Variants in RIMS2 observed in about 807,000 individuals in gnomAD.
RIMS2 encodes the protein regulating synaptic membrane exocytosis protein 2.
In RIMS2, 59 loss-of-function variants were observed where a neutral mutation model predicts 174.4. That is an observed-to-expected ratio of 0.34 (90% CI 0.27 to 0.42). The LOEUF is 0.42. Among genes scored for constraint, RIMS2 ranks in the 10% least tolerant of loss-of-function variants. The pLI is 1.00. For missense variants in RIMS2, 1,620 were observed against 1,666.3 expected, an observed-to-expected ratio of 0.97 and a Z score of 0.48; for synonymous variants, 606 against 572.5, an observed-to-expected ratio of 1.06 and a Z score of -0.84.
chr8:103,854,344 C>A (rs2099015185), intron 3 of RIMS2, among the ~76,000 whole-genome samples: 2 of 151,922 alleles, frequency 1.3e-5, no homozygotes, highest in Non-Finnish European at 2.9e-5. Context: ...ATTTGGATAT[C>A]TTTTATTTTT....
chr8:103,941,415 A>G (rs2082498827), intron 13 of RIMS2, among the ~76,000 whole-genome samples: 1 of 152,128 alleles, frequency 6.6e-6, no homozygotes, highest in Admixed American at 6.5e-5. Context: ...TTACCCTAGG[A>G]GTTTGAGGCT....
intron 4 of RIMS2, among the ~76,000 whole-genome samples, chr8:103,894,013 T>C (rs1565166404): frequency 6.6e-6 from 1 of 152,066 alleles, no homozygotes; most frequent in South Asian, 2.1e-4. Flanking sequence ...GGAATGTGGA[T>C]CACATGTTAC....
At chr8:103,787,647 A>T (rs1444316874) in intron 3 of RIMS2, among the ~76,000 whole-genome samples, 1 of 152,102 alleles carries the variant, frequency 6.6e-6, no homozygotes, top group Non-Finnish European at 1.5e-5. Context: ...ATCTGCTGTT[A>T]GTCTGATGGG....
chr8:104,228,042 T>TTC (rs1554644487), intron 19 of RIMS2, among the ~76,000 whole-genome samples: 3 of 146,924 alleles, frequency 2.0e-5, no homozygotes, highest in Admixed American at 6.7e-5. Context: ...TTTTTTTTTT[T>TTC]CTTTGAGACA....
chr8:104,207,848 A>C (rs1254886826), intron 19 of RIMS2, among the ~76,000 whole-genome samples: 1 of 149,524 alleles, frequency 6.7e-6, no homozygotes. Context: ...AATATATATT[A>C]TATATATTTG....
chr8:103,838,832 G>A (rs1421450940), intron 3 of RIMS2, among the ~76,000 whole-genome samples: 1 of 152,278 alleles, frequency 6.6e-6, no homozygotes, highest in East Asian at 1.9e-4. Context: ...TTGGGAGGCC[G>A]AGGCGGGCAG....
At chr8:103,684,787 A>G (rs2096922249) in intron 1 of RIMS2, among the ~76,000 whole-genome samples, 1 of 151,798 alleles carries the variant, frequency 6.6e-6, no homozygotes, top group Non-Finnish European at 1.5e-5. Context: ...GGATTTCCCT[A>G]TGTTGGCCAG....
At chr8:103,752,586 G>A (rs2097908560) in intron 2 of RIMS2, among the ~76,000 whole-genome samples, 2 of 152,140 alleles carry the variant, frequency 1.3e-5, no homozygotes, top group African/African-American at 4.8e-5. Flanking sequence ...TCTTCCATTT[G>A]TTTGTATCCT....
intron 19 of RIMS2, among the ~76,000 whole-genome samples, chr8:104,093,266 A>T (rs2097694622): frequency 6.6e-6 from 1 of 152,062 alleles, no homozygotes; most frequent in African/African-American, 2.4e-5. Flanking sequence ...AAAACATTCT[A>T]ATTACTTTGC....
chr8:104,108,553 C>T (rs1333767048), intron 19 of RIMS2, among the ~76,000 whole-genome samples: 1 of 152,006 alleles, frequency 6.6e-6, no homozygotes, highest in Non-Finnish European at 1.5e-5. Context: ...TCCACCTTGG[C>T]CCCCCAGAGT....
intron 17 of RIMS2, among the ~76,000 whole-genome samples, chr8:104,008,600 A>G (rs1451205314): frequency 4.0e-5 from 6 of 151,532 alleles, no homozygotes; most frequent in Non-Finnish European, 8.8e-5. Flanking sequence ...TCTTCATGCA[A>G]TTTTCAATAA....
intron 3 of RIMS2, among the ~76,000 whole-genome samples, chr8:103,882,942 A>C (rs72681351): frequency 1.3e-5 from 2 of 151,472 alleles, no homozygotes; most frequent in Admixed American, 6.6e-5. Flanking sequence ...TTTAACTTCT[A>C]TCCTAAAATA....
chr8:103,832,794 T>C (rs2098833995), intron 3 of RIMS2, among the ~76,000 whole-genome samples: 1 of 152,236 alleles, frequency 6.6e-6, no homozygotes, highest in African/African-American at 2.4e-5. Flanking sequence ...TTAGTTCTTA[T>C]TGGTTGCACT....
At chr8:103,825,643 T>C (rs2098785454) in intron 3 of RIMS2, among the ~76,000 whole-genome samples, 1 of 152,116 alleles carries the variant, frequency 6.6e-6, no homozygotes, top group Non-Finnish European at 1.5e-5. Context: ...AGTTTTTTCC[T>C]GTTCATTGCT....
intron 1 of RIMS2, among the ~76,000 whole-genome samples, chr8:103,580,742 A>G (rs879885305): frequency 6.6e-6 from 1 of 151,970 alleles, no homozygotes; most frequent in East Asian, 1.9e-4. Context: ...ATTGCTTCAC[A>G]GCTGAATTCT....
exon 1 of RIMS2, chr8:103,500,998 A>C (rs747069841): frequency 6.2e-7 from 1 of 1,611,722 alleles, no homozygotes; most frequent in Admixed American, 1.7e-5. Flanking sequence ...GGAGGAGAGG[A>C]AAATCATCCT....
chr8:103,832,455 T>C (rs1225167467), intron 3 of RIMS2, among the ~76,000 whole-genome samples: 1 of 152,148 alleles, frequency 6.6e-6, no homozygotes, highest in East Asian at 1.9e-4. Context: ...TCATGGGGGT[T>C]TGTTGTACAG....
chr8:103,750,772 C>T (rs1321294343), intron 2 of RIMS2, among the ~76,000 whole-genome samples: 1 of 152,118 alleles, frequency 6.6e-6, no homozygotes, highest in African/African-American at 2.4e-5. Flanking sequence ...TGAAGAGATG[C>T]CTTCCACCAT....
At chr8:104,197,813 G>A (rs1247853984) in intron 19 of RIMS2, among the ~76,000 whole-genome samples, 3 of 151,990 alleles carry the variant, frequency 2.0e-5, no homozygotes, top group Non-Finnish European at 4.4e-5. Flanking sequence ...GTGGATTTTA[G>A]CTTTTGTTCT....
Sources: gnomAD v4.1 joint callset for allele counts (sites outside exome capture counted in the v4.1 genomes callset) on GRCh38, gnomAD v4.1.1 for gene constraint, MANE v1.5 for transcripts, NCBI Gene and HGNC (gene_info 2026-07-23, HGNC 2026-07-21) for gene names.